The following ARF3 variants were observed in gnomAD, a reference collection of about 807,000 sequenced individuals.
The protein encoded by ARF3 is ADP-ribosylation factor 3.
In ARF3, 5 loss-of-function variants were observed where a neutral mutation model predicts 19.3. The ratio of observed to expected loss-of-function variants is 0.26; its 90% confidence interval spans 0.14 to 0.54. ARF3 has a LOEUF of 0.54. Among genes scored for constraint, ARF3 ranks in the 20% least tolerant of loss-of-function variants. The pLI is 0.95. For synonymous variants in ARF3, 71 were observed against 89.2 expected (o/e 0.80, Z 1.15); for missense variants, 77 against 234.2 (o/e 0.33, Z 4.38).
intron 1 of ARF3, among the ~76,000 whole-genome samples, chr12:48,956,824 C>T (rs1037898551): frequency 5.9e-5 from 9 of 152,156 alleles, no homozygotes; most frequent in African/African-American, 2.2e-4. Context: ...AACCCCCCTA[C>T]GCACCCCTGC....
At position 48,938,570 on chromosome 12, in the gene ARF3, G is replaced by A; in HGVS notation, c.*377C>T. On this transcript the variant is annotated 3_prime_UTR_variant, in exon 5 of 5. Coordinates refer to ENST00000256682, the MANE Select transcript of ARF3 (RefSeq NM_001659.3). ...AAGGAAAGGCAAACAGGGAGTAGAA[G>A]GGCTTGTGGGGACAGGGAAAGGACT... The A allele has an allele frequency of 2.2e-6, 1 of 459,648 alleles. No individual in the cohort carries two copies. Among genetic ancestry groups the A allele is most frequent in the Non-Finnish European group, 4.4e-6 (1 of 229,352 alleles). The allele number at this position is 459,648 out of a possible 1,614,324, so 28.5% of individuals were successfully genotyped here. A position where few individuals can be genotyped will look rare whatever the true frequency, so the allele number is the denominator to read the frequency against.
In ARF3 at chr12:48,941,131, C is replaced by T; in HGVS notation, c.-36G>A. The T allele has an allele frequency of 6.3e-7, 1 of 1,589,586 alleles. No individual in the cohort carries two copies. Among genetic ancestry groups the T allele is most frequent in the Non-Finnish European group, 8.6e-7 (1 of 1,166,134 alleles). On this transcript the variant is annotated 5_prime_UTR_variant, in exon 2 of 5. Transcript: ENST00000256682. ...GCTGCTTTCTGGGGACAGTGGGGCC[C>T]AAGTAGGGGCAGTGGCAGTCTGGTT...
At chr12:48,950,573 A>C (rs1423358544) in intron 1 of ARF3, among the ~76,000 whole-genome samples, 1 of 152,162 alleles carries the variant, frequency 6.6e-6, no homozygotes, top group Non-Finnish European at 1.5e-5. Context: ...AGTAGCGTTA[A>C]GTACATTCAC....
At chr12:48,942,679 C>G (rs915450045) in intron 1 of ARF3, among the ~76,000 whole-genome samples, 5 of 152,232 alleles carry the variant, frequency 3.3e-5, no homozygotes, top group Non-Finnish European at 7.3e-5. Context: ...GTTCACTGCT[C>G]TGTCTCCAGT....
chr12:48,954,415 G>A lies in ARF3; in HGVS notation c.-94+2895C>T, dbSNP rs971220858. Among the ~76,000 whole-genome samples the A allele has an allele frequency of 3.3e-5, 5 of 152,156 alleles. No homozygotes were observed. In the East Asian group the frequency reaches 5.8e-4, roughly 18 times the overall value. On this transcript the variant is annotated intron_variant, in intron 1 of 4. Coordinates refer to ENST00000256682, the MANE Select transcript of ARF3 (RefSeq NM_001659.3). ...GCAGCCCTGAGTGTTCATATTATTAGGATTATGATAATGGATTATTAATAG... is the reference window on the plus strand; with the variant it reads ...GCAGCCCTGAGTGTTCATATTATTAAGATTATGATAATGGATTATTAATAG...
chr12:48,943,497 C>T (rs1354845538), intron 1 of ARF3, among the ~76,000 whole-genome samples: 1 of 152,172 alleles, frequency 6.6e-6, no homozygotes, highest in Non-Finnish European at 1.5e-5. Context: ...CAGGTCAAGA[C>T]AAAGTGCGCC....
chr12:48,942,647 A>G (rs991459291), intron 1 of ARF3, among the ~76,000 whole-genome samples: 3 of 152,224 alleles, frequency 2.0e-5, no homozygotes, highest in African/African-American at 7.2e-5. Context: ...TCTGCCTAAG[A>G]TATCAGCTCC....
At chr12:48,955,411 G>A (rs1055726614) in intron 1 of ARF3, among the ~76,000 whole-genome samples, 41 of 152,292 alleles carry the variant, frequency 2.7e-4, no homozygotes, top group African/African-American at 8.9e-4. Flanking sequence ...CCCACAATGG[G>A]GAAGCAGGAA....
At position 48,941,226 on chromosome 12, in the gene ARF3, T is replaced by C. The variant is rs1460453877; in HGVS notation, c.-93-38A>G. On this transcript the variant is annotated intron_variant, in intron 1 of 4. Transcript: ENST00000256682. The stretch of plus-strand genomic sequence containing the variant: ...AATGTAAAATCATACCATCATTTGC[T>C]TGTCAGGACTTCCAAGTAAATAGAA... The C allele has an allele frequency of 5.6e-6, 6 of 1,069,580 alleles. No individual in the cohort carries two copies. The East Asian group carries it at 1.0e-4, about 19-fold the overall frequency. The allele number at this position is 1,069,580 out of a possible 1,614,324, so 66.3% of individuals were successfully genotyped here. A position where few individuals can be genotyped will look rare whatever the true frequency, so the allele number is the denominator to read the frequency against.
intron 1 of ARF3, among the ~76,000 whole-genome samples, chr12:48,948,988 T>C (rs762079406): frequency 6.6e-6 from 1 of 152,092 alleles, no homozygotes; most frequent in African/African-American, 2.4e-5. Context: ...TTAGGAGGTA[T>C]AGTAATACAG....
chr12:48,950,404 C>A (rs1279748486), intron 1 of ARF3, among the ~76,000 whole-genome samples: 1 of 151,994 alleles, frequency 6.6e-6, no homozygotes, highest in Non-Finnish European at 1.5e-5. Flanking sequence ...CCAGGCTAGT[C>A]TCAAACTCCT....
Position 48,938,437 on chromosome 12 carries a change from C to G in ARF3, c.*510G>C, listed in dbSNP as rs1423453502. 1 of 454,008 alleles carries G rather than the reference C, an allele frequency of 2.2e-6. No homozygotes were observed. The highest frequency in any genetic ancestry group is 4.4e-6 in the Non-Finnish European group (1 of 226,862). 28.1% of individuals were successfully genotyped at this position (454,008 alleles called of 1,614,324 possible). On this transcript the variant is annotated 3_prime_UTR_variant, in exon 5 of 5. Transcript: ENST00000256682. ...TCACTCCACCCCCTCCCCGCTCCCC[C>G]CGGCCCCCACAAATATATCTCTCTA...
At chr12:48,950,592 G>GT (rs1210164790) in intron 1 of ARF3, among the ~76,000 whole-genome samples, 1 of 152,042 alleles carries the variant, frequency 6.6e-6, no homozygotes, top group Non-Finnish European at 1.5e-5. Flanking sequence ...ACACTGTAGT[G>GT]TAACTATCAC....
chr12:48,940,922 A>G, intron 2 of ARF3, 26 bp downstream of exon 2: 1 of 1,536,240 alleles, frequency 6.5e-7, no homozygotes, highest in Non-Finnish European at 8.8e-7. Context: ...CCGGCGTGAA[A>G]GCCCACATCC....
chr12:48,948,353 T>C (rs1400066340), intron 1 of ARF3, among the ~76,000 whole-genome samples: 1 of 151,654 alleles, frequency 6.6e-6, no homozygotes, highest in Non-Finnish European at 1.5e-5. Context: ...CAAACAATCC[T>C]ACTGCCTCAG....
At chr12:48,950,884 C>G (rs1940455562) in intron 1 of ARF3, among the ~76,000 whole-genome samples, 1 of 152,036 alleles carries the variant, frequency 6.6e-6, no homozygotes, top group South Asian at 2.1e-4. Flanking sequence ...CTCCTGGGTT[C>G]AACCGATTCT....
chr12:48,946,552 T>C (rs1185349142), intron 1 of ARF3, among the ~76,000 whole-genome samples: 1 of 152,160 alleles, frequency 6.6e-6, no homozygotes, highest in Non-Finnish European at 1.5e-5. Context: ...GCAGGTTCTG[T>C]TTTACAGTCA....
chr12:48,943,484 G>C (rs1456769183), intron 1 of ARF3, among the ~76,000 whole-genome samples: 2 of 152,132 alleles, frequency 1.3e-5, no homozygotes, highest in Non-Finnish European at 2.9e-5. Flanking sequence ...GCAGCCAAAG[G>C]GACAGGTCAA....
At chr12:48,950,117 C>T (rs1229340070) in intron 1 of ARF3, among the ~76,000 whole-genome samples, 1 of 152,166 alleles carries the variant, frequency 6.6e-6, no homozygotes, top group East Asian at 1.9e-4. Flanking sequence ...CACAGGTGCC[C>T]TCATGGTGCG....
Sources: gnomAD v4.1 joint callset for allele counts (sites outside exome capture counted in the v4.1 genomes callset) on GRCh38, gnomAD v4.1.1 for gene constraint, MANE v1.5 for transcripts, NCBI Gene and HGNC (gene_info 2026-07-23, HGNC 2026-07-21) for gene names.